Variants in TBC1D9B observed in about 807,000 individuals in gnomAD.
The protein encoded by TBC1D9B is TBC1 domain family member 9B, also known as TBC1 domain family, member 9B (with GRAM domain).
TBC1D9B carries 87 observed loss-of-function variants against 121.1 expected under a neutral mutation model. The ratio of observed to expected loss-of-function variants is 0.72; its 90% CI spans 0.60 to 0.86. The LOEUF is 0.86. TBC1D9B is among the 40% of genes least tolerant of loss of function. TBC1D9B has a pLI of 0.00. For synonymous variants in TBC1D9B, 668 were observed against 670.1 expected, an observed-to-expected ratio of 1.00 and a Z score of 0.05; for missense variants, 1,540 against 1,628.6, an observed-to-expected ratio of 0.95 and a Z score of 0.94.
rs925895770 is a variant in TBC1D9B at position 179,865,748 on chromosome 5, G to C, written c.2914+90C>G. 7.8e-6 allele frequency: 11 copies of C among 1,415,150 alleles called. No individual in the cohort carries two copies. Among genetic ancestry groups the C allele is most frequent in the African/African-American group, 1.4e-5 (1 of 69,640 alleles). 87.7% of individuals were successfully genotyped at this position (1,415,150 alleles called of 1,614,324 possible). A position where few individuals can be genotyped will look rare whatever the true frequency, so the allele number is the denominator to read the frequency against. ...CATCCGCCATCTCCCGGGGTAGGGGGCTCCCTGGCAGTGACTGGGGAAAAG... is the reference window on the plus strand; with the variant it reads ...CATCCGCCATCTCCCGGGGTAGGGGCCTCCCTGGCAGTGACTGGGGAAAAG... On this transcript the variant is annotated intron_variant, in intron 19 of 20. Transcript: ENST00000355235. The surrounding 1 kb of genome is among the most constrained non-coding windows in gnomAD (Gnocchi z 5.1).
rs1313337212 is a variant in TBC1D9B at position 179,893,460 on chromosome 5, G to A, written c.585C>T (p.Leu195=). 33 of 1,599,962 alleles carry A rather than the reference G, an allele frequency of 2.1e-5. No homozygotes were observed. The highest frequency in any genetic ancestry group is 2.6e-5 in the Non-Finnish European group (30 of 1,171,346). ...GCGTTATGTCCACCCACTGCACCAC[G>A]AGGCTCACTGTGCCCACAGAGATAG... ...YSFLLGKEVS[L]VVQWVDITRL... The change falls in exon 5 of 21, where the codon CTC becomes CTT. Residue 195 remains leucine (L), a synonymous_variant. Transcript: ENST00000355235.
At chr5:179,882,004 G>C (rs1188105719) in intron 7 of TBC1D9B, among the ~76,000 whole-genome samples, 1 of 148,862 alleles carries the variant, frequency 6.7e-6, no homozygotes, top group Non-Finnish European at 1.5e-5. Context: ...GAGTACAGAG[G>C]TGTGATCTCA....
At position 179,885,862 on chromosome 5, in the gene TBC1D9B, C is replaced by T. The variant is rs974620933; in HGVS notation, c.1254+2241G>A. 6.6e-6 allele frequency among the ~76,000 whole-genome samples: 1 copy of T among 152,202 alleles called. No individual in the cohort carries two copies. The highest frequency in any genetic ancestry group is 1.5e-5 in the Non-Finnish European group (1 of 68,052). ...ACTGGCTTCCCCTCTCACCTGAAGT[C>T]AAAGCTGCAGCACTCACAGGGCCTA... On this transcript the variant is annotated intron_variant, in intron 7 of 20. Coordinates refer to ENST00000355235, the MANE Select transcript of TBC1D9B (RefSeq NM_015043.4). The surrounding 1 kb of genome is among the most constrained non-coding windows in gnomAD (Gnocchi z 4.5).
chr5:179,872,938 C>T lies in TBC1D9B; in HGVS notation c.2369G>A (p.Arg790Lys), dbSNP rs144708947. 4 of 1,614,028 alleles carry T rather than the reference C, an allele frequency of 2.5e-6. No homozygotes were observed. Among genetic ancestry groups the T allele is most frequent in the African/African-American group, 1.3e-5 (1 of 75,012 alleles). ...CTCCAAGGACTGGATCACTTTCAGC[C>T]TCTGTTTAAACCGCATCTGCTCAAT... ...EDIEQMRFKQ[R>K]LKVIQSLEDT... The change falls in exon 14 of 21, where the codon AGG (arginine) becomes AAG (lysine). Residue 790 changes from arginine (R) to lysine (K), a missense_variant. By Grantham distance (26) the Arg-to-Lys change is conservative (BLOSUM62 2). Coordinates refer to ENST00000355235, the MANE Select transcript of TBC1D9B (RefSeq NM_015043.4).
In TBC1D9B at chr5:179,863,636, C is replaced by T. The variant is rs549926617; in HGVS notation, c.3514G>A (p.Gly1172Ser). The change falls in exon 21 of 21, where the codon GGC (glycine) becomes AGC (serine). Residue 1172 changes from glycine to serine, a missense_variant. Gly to Ser is a moderately conservative substitution (Grantham distance 56). Coordinates refer to ENST00000355235, the MANE Select transcript of TBC1D9B (RefSeq NM_015043.4). The surrounding 1 kb of genome is among the most constrained non-coding windows in gnomAD (Gnocchi z 4.5). ...CACCAGTCGGTGTCGACGGTGCCGC[C>T]GATGCGCGCTGTGGGGCTGCAGGCC... Reference protein sequence around the residue: ...GEACSPTARIGGTVDTDWCIS... With the variant: ...GEACSPTARISGTVDTDWCIS... The T allele has an allele frequency of 1.4e-4, 223 of 1,613,836 alleles. No homozygotes were observed. In the South Asian group the frequency reaches 2.2e-3, roughly 16 times the overall value.
rs1272707457 is a variant in TBC1D9B at position 179,863,399 on chromosome 5, G to A, written c.*49C>T. The A allele has an allele frequency of 3.8e-6, 6 of 1,579,002 alleles. No homozygotes were observed. Among genetic ancestry groups the A allele is most frequent in the Admixed American group, 1.8e-5 (1 of 57,054 alleles). ...AGGGAGGAAAGGCAGGAGGAGATGA[G>A]GCCAGCCCCACTGATGACACCTTGG... On this transcript the variant is annotated 3_prime_UTR_variant, in exon 21 of 21. Coordinates refer to ENST00000355235, the MANE Select transcript of TBC1D9B (RefSeq NM_015043.4). This position sits in a 1 kb window ranked among gnomAD's most constrained non-coding sequence, Gnocchi z 4.5.
Position 179,894,382 on chromosome 5 carries a change from T to C in TBC1D9B, c.577+4A>G. 1 of 1,608,842 alleles carries C rather than the reference T, an allele frequency of 6.2e-7. No homozygotes were observed. The highest frequency in any genetic ancestry group is 8.5e-7 in the Non-Finnish European group (1 of 1,177,842). ...GGCTGGGGCACACTGAGGGGCGGGC[T>C]CACCTTCCTTCCCCAGCAGGAAGGA... is the stretch of plus-strand genomic sequence containing the variant. On this transcript the variant is annotated splice_donor_region_variant and intron_variant, in intron 4 of 20. Transcript: ENST00000355235.
chr5:179,907,717 G>C lies in TBC1D9B; in HGVS notation c.105C>G (p.Gly35=). 8.5e-7 allele frequency: 1 copy of C among 1,172,290 alleles called. No homozygotes were observed. 72.6% of individuals were successfully genotyped at this position (1,172,290 alleles called of 1,614,324 possible). ...VLQRRRGHGR[G]GGLTGLLVGT... is the part of the protein sequence containing the mutation. ...CGCGCCTCTCACCCGTAAGGCCGCC[G>C]CCCCTGCCGTGGCCCCGGCGTCGCT... Residue 35 remains glycine, a synonymous_variant, in exon 1 of 21, where the codon GGC becomes GGG. Transcript: ENST00000355235. This position sits in a 1 kb window ranked among gnomAD's most constrained non-coding sequence, Gnocchi z 5.3.
At position 179,886,776 on chromosome 5, in the gene TBC1D9B, T is replaced by A. The variant is rs565727475; in HGVS notation, c.1254+1327A>T. ...GAAGCTGGATCTGTGAATTTGCATA[T>A]GGACTCTTCTAATGGCCAAATGTTT... is the stretch of plus-strand genomic sequence containing the variant. On this transcript the variant is annotated intron_variant, in intron 7 of 20. Coordinates refer to ENST00000355235, the MANE Select transcript of TBC1D9B (RefSeq NM_015043.4). 2.6e-5 allele frequency among the ~76,000 whole-genome samples: 4 copies of A among 152,348 alleles called. No homozygotes were observed. In the East Asian group the frequency reaches 7.7e-4, roughly 29 times the overall value.
Position 179,907,709 on chromosome 5 carries a change from A to T in TBC1D9B, c.113T>A (p.Leu38His). The T allele has an allele frequency of 1.7e-6, 2 of 1,158,444 alleles. No homozygotes were observed. The highest frequency in any genetic ancestry group is 1.7e-5 in the South Asian group (1 of 60,228). 71.8% of individuals were successfully genotyped at this position (1,158,444 alleles called of 1,614,324 possible). Reference sequence around the variant, plus strand: ...GCCGCCCGCGCGCCTCTCACCCGTAAGGCCGCCGCCCCTGCCGTGGCCCCG... The same window carrying T: ...GCCGCCCGCGCGCCTCTCACCCGTATGGCCGCCGCCCCTGCCGTGGCCCCG... ...RRRGHGRGGG[L>H]TGLLVGTLDV... is the part of the protein sequence containing the mutation. The change falls in exon 1 of 21, where the codon CTT becomes CAT. Residue 38 changes from leucine to histidine, a missense_variant. Physicochemically the swap from Leu to His is moderately conservative, Grantham distance 99 (BLOSUM62 -3). Coordinates refer to ENST00000355235, the MANE Select transcript of TBC1D9B (RefSeq NM_015043.4). The surrounding 1 kb of genome is among the most constrained non-coding windows in gnomAD (Gnocchi z 5.3).
intron 10 of TBC1D9B, among the ~76,000 whole-genome samples, chr5:179,877,679 A>AG (rs1237114232): frequency 0.032 from 4,733 of 149,530 alleles, 281 homozygotes; most frequent in African/African-American, 0.11. Context: ...AAAAAAAAAA[A>AG]AAAAGAAAAG....
chr5:179,867,527 G>T, intron 18 of TBC1D9B: 2 of 1,555,786 alleles, frequency 1.3e-6, no homozygotes, highest in Non-Finnish European at 1.7e-6. Flanking sequence ...AGGCAGAGGG[G>T]CAGAGTGGGG....
At position 179,864,250 on chromosome 5, in the gene TBC1D9B, C is replaced by T. The variant is rs187993063; in HGVS notation, c.3022-122G>A. ...TGTTGGCTGCCGTCTTGCTAATCAT[C>T]TCCATGAGCCTCATCAGTCCCATCT... is the stretch of plus-strand genomic sequence containing the variant. On this transcript the variant is annotated intron_variant, in intron 20 of 20. Transcript: ENST00000355235. The T allele has an allele frequency of 3.2e-4, 303 of 952,764 alleles. No individual in the cohort carries two copies. In the East Asian group the frequency reaches 7.7e-3, roughly 24 times the overall value. The allele number at this position is 952,764 out of a possible 1,614,324, so 59.0% of individuals were successfully genotyped here.
chr5:179,901,233 T>G (rs1387931142), intron 2 of TBC1D9B, among the ~76,000 whole-genome samples: 1 of 152,174 alleles, frequency 6.6e-6, no homozygotes, highest in Non-Finnish European at 1.5e-5. Context: ...TAATTCACTT[T>G]AAACTTTTTT....
At chr5:179,866,137 C>A (rs567996367) in intron 18 of TBC1D9B, 3 of 496,618 alleles carry the variant, frequency 6.0e-6, no homozygotes, top group East Asian at 7.4e-5. Flanking sequence ...CCCTCAATTC[C>A]TTTTTTCAAA....
intron 18 of TBC1D9B, 46 bp downstream of exon 18, chr5:179,867,732 T>C: frequency 6.2e-7 from 1 of 1,604,992 alleles, no homozygotes; most frequent in Admixed American, 1.7e-5. Flanking sequence ...CGGCGGTGGC[T>C]GCAGAGTGCT....
At chr5:179,866,678 C>G (rs921862223) in intron 18 of TBC1D9B, 1 of 152,384 alleles carries the variant, frequency 6.6e-6, no homozygotes, top group Non-Finnish European at 1.5e-5. Flanking sequence ...CGGGACAAGC[C>G]TAGAGTGGCC....
chr5:179,886,457 C>T (rs1385756221), intron 7 of TBC1D9B, among the ~76,000 whole-genome samples: 3 of 152,190 alleles, frequency 2.0e-5, no homozygotes, highest in Non-Finnish European at 4.4e-5. Flanking sequence ...CCACCCTGTT[C>T]ACTGCCCCTG....
intron 1 of TBC1D9B, among the ~76,000 whole-genome samples, chr5:179,905,525 T>C (rs935581909): frequency 1.3e-5 from 2 of 152,210 alleles, no homozygotes; most frequent in Non-Finnish European, 2.9e-5. Flanking sequence ...ACTGAAACAT[T>C]TGAGGGCATT....
Sources: gnomAD v4.1 joint callset for allele counts (sites outside exome capture counted in the v4.1 genomes callset) on GRCh38, gnomAD v4.1.1 for gene constraint, Gnocchi (gnomAD v3.1) non-coding constraint, MANE v1.5 for transcripts, NCBI Gene and HGNC (gene_info 2026-07-23, HGNC 2026-07-21) for gene names.